SLC35D4: variants seen among roughly 807,000 people sequenced by gnomAD.
SLC35D4 encodes the protein solute carrier family 35 member D4.
the SLC35D4 span, among the ~76,000 whole-genome samples, chr18:23,277,526 C>G: frequency 6.6e-6 from 1 of 152,170 alleles, no homozygotes; most frequent in African/African-American, 2.4e-5. Context: ...GCTGGGAGGA[C>G]TTAGCTCTGC....
At chr18:23,316,366 G>A in the SLC35D4 span, among the ~76,000 whole-genome samples, 5 of 152,088 alleles carry the variant, frequency 3.3e-5, no homozygotes, top group African/African-American at 1.2e-4. Flanking sequence ...CTGAGAGCAG[G>A]CTCTTTTTCT....
the SLC35D4 span, chr18:23,370,136 G>T: frequency 8.0e-7 from 1 of 1,250,748 alleles, no homozygotes; most frequent in Non-Finnish European, 1.1e-6. Context: ...CTGAGACCGC[G>T]CCATTGCACT....
the SLC35D4 span, among the ~76,000 whole-genome samples, chr18:23,333,486 T>C: frequency 6.6e-6 from 1 of 152,246 alleles, no homozygotes; most frequent in South Asian, 2.1e-4. Flanking sequence ...AGTGTTGTAC[T>C]CCCTTAACCT....
chr18:23,406,815 A>C, the SLC35D4 span, among the ~76,000 whole-genome samples: 1 of 151,970 alleles, frequency 6.6e-6, no homozygotes, highest in Non-Finnish European at 1.5e-5. Context: ...TCTTTTCTTT[A>C]TTTATTTAGA....
At chr18:23,425,319 T>G in the SLC35D4 span, among the ~76,000 whole-genome samples, 3 of 152,172 alleles carry the variant, frequency 2.0e-5, no homozygotes, top group Non-Finnish European at 2.9e-5. Context: ...CAAGCTGGTC[T>G]CAAACTCCTG....
chr18:23,259,111 A>AT, the SLC35D4 span: 1 of 152,162 alleles, frequency 6.6e-6, no homozygotes, highest in Non-Finnish European at 1.5e-5. Context: ...TTGAGAAAAT[A>AT]TTCAAGGTGC....
At chr18:23,246,006 G>A in the SLC35D4 span, among the ~76,000 whole-genome samples, 1 of 152,142 alleles carries the variant, frequency 6.6e-6, no homozygotes, top group South Asian at 2.1e-4. Flanking sequence ...GGTGGCTCAC[G>A]CCTGTAATCC....
At chr18:23,282,696 G>A in the SLC35D4 span, among the ~76,000 whole-genome samples, 1 of 152,182 alleles carries the variant, frequency 6.6e-6, no homozygotes, top group African/African-American at 2.4e-5. Context: ...GGAGTGGGGG[G>A]CAATGCCCAG....
At chr18:23,325,029 G>A in the SLC35D4 span, among the ~76,000 whole-genome samples, 1 of 152,258 alleles carries the variant, frequency 6.6e-6, no homozygotes, top group East Asian at 1.9e-4. Context: ...CCTCTGTATG[G>A]ATGCCAAGAG....
At chr18:23,371,926 G>A in the SLC35D4 span, among the ~76,000 whole-genome samples, 591 of 11,856 alleles carry the variant, frequency 0.05, 53 homozygotes, top group African/African-American at 0.15. Context: ...TTTCTTCCTT[G>A]TTTTTTTTGT....
chr18:23,282,431 CGCTCGGCTCACTGGGGA>C, the SLC35D4 span, among the ~76,000 whole-genome samples: 2 of 152,194 alleles, frequency 1.3e-5, no homozygotes, highest in African/African-American at 2.4e-5. Context: ...AGCAAAGATT[CGCTCGGCTCACTGGGGA>C]GCACGGAATG....
chr18:23,314,606 A>G, the SLC35D4 span, among the ~76,000 whole-genome samples: 2 of 152,250 alleles, frequency 1.3e-5, no homozygotes, highest in Non-Finnish European at 2.9e-5. Flanking sequence ...TGAAATGACT[A>G]AAATCTGCCC....
chr18:23,356,735 A>AAATGC, the SLC35D4 span: 70 of 1,444,616 alleles, frequency 4.8e-5, no homozygotes, highest in Admixed American at 1.8e-5. This position sits in a 1 kb window ranked among gnomAD's most constrained non-coding sequence, Gnocchi z 4.1. Context: ...TTGCCCCAGG[A>AAATGC]AATGCAAGGA....
chr18:23,286,476 A>G, the SLC35D4 span, among the ~76,000 whole-genome samples: 4 of 152,030 alleles, frequency 2.6e-5, no homozygotes, highest in Non-Finnish European at 5.9e-5. Flanking sequence ...CTCTGGCCCA[A>G]GGCTCTCTGA....
At chr18:23,401,631 T>G in the SLC35D4 span, among the ~76,000 whole-genome samples, 1 of 152,178 alleles carries the variant, frequency 6.6e-6, no homozygotes, top group African/African-American at 2.4e-5. Context: ...GAGCACATAC[T>G]GCAGGCAGGG....
chr18:23,388,847 G>GT, the SLC35D4 span, among the ~76,000 whole-genome samples: 1 of 152,116 alleles, frequency 6.6e-6, no homozygotes, highest in Non-Finnish European at 1.5e-5. Flanking sequence ...CTCCGCCATG[G>GT]TAAGAGGTGC....
the SLC35D4 span, among the ~76,000 whole-genome samples, chr18:23,265,746 C>G: frequency 1.3e-5 from 2 of 151,934 alleles, no homozygotes; most frequent in Non-Finnish European, 2.9e-5. Flanking sequence ...TAAAAGATGA[C>G]CAAAAAGAAA....
At chr18:23,374,548 C>T in the SLC35D4 span, among the ~76,000 whole-genome samples, 208 of 150,634 alleles carry the variant, frequency 1.4e-3, no homozygotes, top group Non-Finnish European at 2.4e-3. Flanking sequence ...TGCAATGGCA[C>T]GATCTCGGCT....
At chr18:23,251,491 AAAG>A in the SLC35D4 span, among the ~76,000 whole-genome samples, 1 of 152,140 alleles carries the variant, frequency 6.6e-6, no homozygotes, top group Non-Finnish European at 1.5e-5. Context: ...GTCAGCCAAA[AAAG>A]ACCCAGCCTT....
Sources: gnomAD v4.1 joint callset for allele counts (sites outside exome capture counted in the v4.1 genomes callset) on GRCh38, gnomAD v4.1.1 for gene constraint, Gnocchi (gnomAD v3.1) non-coding constraint, MANE v1.5 for transcripts, NCBI Gene and HGNC (gene_info 2026-07-23, HGNC 2026-07-21) for gene names.